SPPL2B: variants seen among roughly 807,000 people sequenced by gnomAD.
SPPL2B encodes the protein signal peptide peptidase like 2B.
SPPL2B carries 39 observed loss-of-function variants against 59.7 expected under a neutral mutation model. The observed-to-expected ratio is 0.65, with a 90% confidence interval of 0.51 to 0.85. The LOEUF (loss-of-function observed/expected upper bound fraction) is 0.85, where lower values mean the gene tolerates loss of function less well. SPPL2B is among the 40% of genes least tolerant of loss of function. The pLI is 0.00. For synonymous variants in SPPL2B, 419 were observed against 370.8 expected, an observed-to-expected ratio of 1.13 and a Z score of -1.49; for missense variants, 865 against 849.0, an observed-to-expected ratio of 1.02 and a Z score of -0.23.
chr19:2,340,530 G>A (rs769498602), intron 7 of SPPL2B: 1 of 589,990 alleles, frequency 1.7e-6, no homozygotes, highest in Admixed American at 2.6e-5. Flanking sequence ...AGCTGCTGGG[G>A]GGTCTCCAAC....
intron 8 of SPPL2B, chr19:2,341,465 G>T: frequency 2.2e-6 from 1 of 446,980 alleles, no homozygotes. Flanking sequence ...GGCAGGCACT[G>T]CTCCCCCCAC....
chr19:2,346,228 G>T (rs1969361566), intron 13 of SPPL2B, among the ~76,000 whole-genome samples: 1 of 152,236 alleles, frequency 6.6e-6, no homozygotes, highest in South Asian at 2.1e-4. Context: ...CCCCGACCCT[G>T]CCCTCCACGT....
chr19:2,334,564 C>A, intron 1 of SPPL2B, 38 bp from the exon 2 acceptor site: 2 of 1,589,592 alleles, frequency 1.3e-6, no homozygotes, highest in Non-Finnish European at 1.7e-6. Flanking sequence ...CCCCGCACGT[C>A]CCGTGCTGTG....
In SPPL2B at chr19:2,328,754, C is replaced by G. The variant is rs1301773859; in HGVS notation, c.45C>G (p.Ala15=). 1.4e-6 allele frequency: 2 copies of G among 1,462,022 alleles called. No homozygotes were observed. The highest frequency in any genetic ancestry group is 2.6e-5 in the Admixed American group (1 of 38,364). 90.6% of individuals were successfully genotyped at this position (1,462,022 alleles called of 1,614,324 possible). A position where few individuals can be genotyped will look rare whatever the true frequency, so the allele number is the denominator to read the frequency against. Residue 15 remains alanine, a synonymous_variant, in exon 1 of 15, where the codon GCC becomes GCG. Coordinates refer to ENST00000613503, the MANE Select transcript of SPPL2B (RefSeq NM_152988.3). The part of the protein sequence containing the change: ...VAAALARLLA[A]FLLLAAQVAC... Reference sequence around the variant, plus strand: ...CTGCGCTGGCGCGGCTTTTGGCGGCCTTTCTGCTCCTCGCGGCCCAGGTGA... The same window carrying G: ...CTGCGCTGGCGCGGCTTTTGGCGGCGTTTCTGCTCCTCGCGGCCCAGGTGA...
At chr19:2,336,906 T>G (rs73520574) in intron 2 of SPPL2B, among the ~76,000 whole-genome samples, 6 of 147,962 alleles carry the variant, frequency 4.1e-5, no homozygotes, top group Admixed American at 2.7e-4. Flanking sequence ...TGGGTGTGTG[T>G]GTGTGTGTGC....
intron 13 of SPPL2B, 74 bp downstream of exon 13, chr19:2,345,404 C>A: frequency 7.6e-7 from 1 of 1,309,110 alleles, no homozygotes; most frequent in Non-Finnish European, 1.1e-6. Context: ...TGTCCTGACC[C>A]TGACCCCTAA....
chr19:2,337,270 C>T (rs899041247), intron 2 of SPPL2B, 173 bp from the exon 3 acceptor site: 9 of 566,294 alleles, frequency 1.6e-5, no homozygotes, highest in African/African-American at 1.4e-4. Flanking sequence ...GCCCAGGGTC[C>T]GGCTGTGGGA....
chr19:2,348,901 C>G (rs569968349), intron 13 of SPPL2B, among the ~76,000 whole-genome samples: 65 of 146,560 alleles, frequency 4.4e-4, no homozygotes, highest in African/African-American at 1.6e-3. Flanking sequence ...TCCACACACA[C>G]TCACGCGCTC....
In SPPL2B at chr19:2,354,196, T is replaced by C. The variant is rs1401448012; in HGVS notation, c.*987T>C. The C allele has an allele frequency of 6.6e-6, 1 of 152,286 alleles. No individual in the cohort carries two copies. Among genetic ancestry groups the C allele is most frequent in the Non-Finnish European group, 1.5e-5 (1 of 68,096 alleles). 9.4% of individuals were successfully genotyped at this position (152,286 alleles called of 1,614,324 possible). On this transcript the variant is annotated 3_prime_UTR_variant, in exon 15 of 15. Transcript: ENST00000613503. Reference sequence around the variant, plus strand: ...ATTGGTGCCTGGGTTCTTAACCCTCTGGACCCAGCAGCTAGGAGCTTCTGG... The same window carrying C: ...ATTGGTGCCTGGGTTCTTAACCCTCCGGACCCAGCAGCTAGGAGCTTCTGG...
At chr19:2,348,154 C>G (rs1309352350) in intron 13 of SPPL2B, among the ~76,000 whole-genome samples, 3 of 33,614 alleles carry the variant, frequency 8.9e-5, no homozygotes, top group Non-Finnish European at 9.6e-5. Flanking sequence ...CGCTTGATTC[C>G]GTTCTCTCTC....
At chr19:2,335,193 ATCCCTCAGG>A (rs1968495366) in intron 2 of SPPL2B, among the ~76,000 whole-genome samples, 1 of 147,884 alleles carries the variant, frequency 6.8e-6, no homozygotes, top group African/African-American at 2.6e-5. Context: ...TTCCCACCGC[ATCCCTCAGG>A]CCCCGCCTCC....
intron 8 of SPPL2B, chr19:2,342,890 C>T: frequency 2.8e-6 from 1 of 356,092 alleles, no homozygotes; most frequent in Non-Finnish European, 5.4e-6. Flanking sequence ...CCGTCCTGGC[C>T]CCACCATCTG....
chr19:2,340,036 T>G (rs1162384779), intron 6 of SPPL2B, 40 bp from the exon 7 acceptor site: 5 of 1,566,378 alleles, frequency 3.2e-6, no homozygotes, highest in Non-Finnish European at 4.3e-6. Flanking sequence ...GAGGGTGGCG[T>G]GCGGGCCTGG....
rs1314803025 is a variant in SPPL2B at position 2,339,869 on chromosome 19, G to A, written c.645G>A (p.Glu215=). ...HKRDDGPEKQ[E]DEAVDVTPVM... ...GCGACGATGGGCCCGAGAAGCAGGAGGACGAGGCGGTGGACGTGACGCCGG... is the reference window on the plus strand; with the variant it reads ...GCGACGATGGGCCCGAGAAGCAGGAAGACGAGGCGGTGGACGTGACGCCGG... Residue 215 remains glutamate, a synonymous_variant, in exon 6 of 15, where the codon GAG becomes GAA. Transcript: ENST00000613503. 1 of 1,602,516 alleles carries A rather than the reference G, an allele frequency of 6.2e-7. No individual in the cohort carries two copies. Among genetic ancestry groups the A allele is most frequent in the Admixed American group, 1.7e-5 (1 of 58,292 alleles).
intron 2 of SPPL2B, among the ~76,000 whole-genome samples, chr19:2,335,939 G>A (rs941194598): frequency 6.6e-6 from 1 of 152,270 alleles, no homozygotes; most frequent in African/African-American, 2.4e-5. Context: ...TTGCATCAGT[G>A]TATGTGTGCA....
rs1223082185 is a variant in SPPL2B, at chr19:2,341,174, G to A, written c.956+160G>A. 9.9e-6 allele frequency: 7 copies of A among 704,326 alleles called. No homozygotes were observed. The Admixed American group carries it at 1.4e-4, about 14-fold the overall frequency. The allele number at this position is 704,326 out of a possible 1,614,324, so 43.6% of individuals were successfully genotyped here. On this transcript the variant is annotated intron_variant, in intron 8 of 14. Transcript: ENST00000613503. ...CCCTGGCCCCGGGCTGCTCTGACAG[G>A]GCTGCGAGGGCGTTTCACCTGGGGT...
intron 1 of SPPL2B, among the ~76,000 whole-genome samples, chr19:2,329,696 G>C (rs555104380): frequency 6.6e-6 from 1 of 152,252 alleles, no homozygotes; most frequent in South Asian, 2.1e-4. Flanking sequence ...CTATCCCTCT[G>C]CTGTGGCTGC....
Position 2,340,134 on chromosome 19 carries a change from G to A in SPPL2B, c.801G>A (p.Leu267=), listed in dbSNP as rs755174070. 1 of 1,590,408 alleles carries A rather than the reference G, an allele frequency of 6.3e-7. No homozygotes were observed. The highest frequency in any genetic ancestry group is 1.1e-5 in the South Asian group (1 of 88,884). ...LASATGLYSC[L]APCVRRLPFG... ...CCGCCACCGGCCTCTACAGCTGCCTGGCGCCCTGTGTGCGGCGGCTGCCCT... is the reference window on the plus strand; with the variant it reads ...CCGCCACCGGCCTCTACAGCTGCCTAGCGCCCTGTGTGCGGCGGCTGCCCT... The change falls in exon 7 of 15, where the codon CTG becomes CTA. Residue 267 remains leucine, a synonymous_variant. Coordinates refer to ENST00000613503, the MANE Select transcript of SPPL2B (RefSeq NM_152988.3).
At chr19:2,336,543 A>C (rs1276498454) in intron 2 of SPPL2B, among the ~76,000 whole-genome samples, 1 of 150,518 alleles carries the variant, frequency 6.6e-6, no homozygotes. Flanking sequence ...GCGTGTGTGT[A>C]TGCATGTGTG....
Sources: gnomAD v4.1 joint callset for allele counts (sites outside exome capture counted in the v4.1 genomes callset) on GRCh38, gnomAD v4.1.1 for gene constraint, MANE v1.5 for transcripts, NCBI Gene and HGNC (gene_info 2026-07-23, HGNC 2026-07-21) for gene names.